Variants in MAPK14 observed in about 807,000 individuals in gnomAD.
The protein encoded by MAPK14 is CSAID-binding protein.
MAPK14 carries 16 observed loss-of-function variants against 49.6 expected under a neutral mutation model. The observed-to-expected ratio is 0.32, with a 90% CI of 0.22 to 0.49. The LOEUF is 0.49. MAPK14 is among the 20% of genes least tolerant of loss of function. The pLI is 0.99. For synonymous variants in MAPK14, 142 were observed against 158.0 expected (o/e 0.90, Z 0.76); for missense variants, 200 against 441.2 (o/e 0.45, Z 4.90).
chr6:36,075,578 A>T (rs1447515830), intron 6 of MAPK14, among the ~76,000 whole-genome samples: 1 of 152,236 alleles, frequency 6.6e-6, no homozygotes, highest in Non-Finnish European at 1.5e-5. Flanking sequence ...GTTTATGTGC[A>T]AACCTTTGTA....
At chr6:36,084,325 C>T (rs1349123554) in intron 8 of MAPK14, among the ~76,000 whole-genome samples, 1 of 152,166 alleles carries the variant, frequency 6.6e-6, no homozygotes, top group Non-Finnish European at 1.5e-5. Flanking sequence ...CTGGCAAGGG[C>T]ATAGATGTGG....
the MAPK14 span, among the ~76,000 whole-genome samples, chr6:36,122,391 C>T: frequency 1.3e-5 from 2 of 152,206 alleles, no homozygotes; most frequent in Non-Finnish European, 2.9e-5. Flanking sequence ...GCCCCAGGCA[C>T]GAAGGTGAGT....
chr6:36,089,750 C>T (rs1396059567), intron 8 of MAPK14, among the ~76,000 whole-genome samples: 1 of 152,094 alleles, frequency 6.6e-6, no homozygotes, highest in African/African-American at 2.4e-5. Context: ...GAACTTTGTA[C>T]TAGAAAGGAG....
intron 8 of MAPK14, among the ~76,000 whole-genome samples, chr6:36,090,596 GCTCA>G (rs1208719566): frequency 6.7e-6 from 1 of 148,624 alleles, no homozygotes; most frequent in Non-Finnish European, 1.5e-5. Context: ...CGCAATCTCT[GCTCA>G]CTGCAACCTC....
intron 9 of MAPK14, among the ~76,000 whole-genome samples, chr6:36,101,131 T>C (rs1486212267): frequency 6.6e-6 from 1 of 152,148 alleles, no homozygotes; most frequent in African/African-American, 2.4e-5. Flanking sequence ...TCCTCCTGAC[T>C]CCACATGCAA....
chr6:36,098,162 T>C (rs1380082712), intron 9 of MAPK14: 1 of 152,200 alleles, frequency 6.6e-6, no homozygotes, highest in East Asian at 1.9e-4. Context: ...CAACAGCTGT[T>C]TTCATTCTCC....
chr6:36,065,669 A>G (rs991214174), intron 3 of MAPK14, among the ~76,000 whole-genome samples: 5 of 152,018 alleles, frequency 3.3e-5, no homozygotes, highest in African/African-American at 1.2e-4. Context: ...ATCAAAGGGT[A>G]CTGGGAACTG....
At chr6:36,105,858 A>T (rs1364588500) in intron 10 of MAPK14, among the ~76,000 whole-genome samples, 2 of 152,220 alleles carry the variant, frequency 1.3e-5, no homozygotes, top group Admixed American at 1.3e-4. Context: ...CCACAGTGAT[A>T]ACTGGTTATA....
chr6:36,100,818 A>G (rs1317763718), intron 9 of MAPK14, among the ~76,000 whole-genome samples: 1 of 152,180 alleles, frequency 6.6e-6, no homozygotes, highest in African/African-American at 2.4e-5. Context: ...ATTATCAGAG[A>G]TGATTGGGGC....
At chr6:36,088,378 C>G (rs1182927143) in intron 8 of MAPK14, among the ~76,000 whole-genome samples, 1 of 152,030 alleles carries the variant, frequency 6.6e-6, no homozygotes, top group Non-Finnish European at 1.5e-5. Flanking sequence ...AGTCTAATAT[C>G]CAGAATCTAC....
chr6:36,098,373 A>G (rs1765518968), intron 9 of MAPK14, among the ~76,000 whole-genome samples: 1 of 152,172 alleles, frequency 6.6e-6, no homozygotes, highest in Non-Finnish European at 1.5e-5. Context: ...AGAAAATCAT[A>G]TTAAGAAAGC....
chr6:36,099,679 C>T (rs1454547117), intron 9 of MAPK14, among the ~76,000 whole-genome samples: 1 of 152,178 alleles, frequency 6.6e-6, no homozygotes, highest in African/African-American at 2.4e-5. Flanking sequence ...TGTGGCATTG[C>T]TTATTAACCC....
At chr6:36,101,705 T>G (rs1202165867) in intron 9 of MAPK14, among the ~76,000 whole-genome samples, 1 of 152,000 alleles carries the variant, frequency 6.6e-6, no homozygotes, top group Non-Finnish European at 1.5e-5. Flanking sequence ...GGAGACAAGT[T>G]TTCACCATGT....
At chr6:36,060,042 C>T (rs148955498) in intron 3 of MAPK14, among the ~76,000 whole-genome samples, 100 of 152,226 alleles carry the variant, frequency 6.6e-4, no homozygotes, top group African/African-American at 2.1e-3. Flanking sequence ...CTGGGATACC[C>T]CTAGAAAGCA....
At chr6:36,087,900 A>G (rs1016797513) in intron 8 of MAPK14, among the ~76,000 whole-genome samples, 3 of 152,232 alleles carry the variant, frequency 2.0e-5, no homozygotes, top group Non-Finnish European at 2.9e-5. Context: ...ACGAGGCTAC[A>G]GTAATCAAAA....
intron 8 of MAPK14, among the ~76,000 whole-genome samples, chr6:36,090,670 G>A (rs944930949): frequency 3.3e-5 from 5 of 152,028 alleles, no homozygotes; most frequent in African/African-American, 1.2e-4. Context: ...GGGATTACAG[G>A]TGCACGTCAT....
At chr6:36,073,388 G>A (rs887735225) in intron 4 of MAPK14, among the ~76,000 whole-genome samples, 3 of 152,184 alleles carry the variant, frequency 2.0e-5, no homozygotes, top group Non-Finnish European at 4.4e-5. Context: ...TTTATTTGTT[G>A]GAGGGGCAGA....
At chr6:36,089,009 A>T (rs1765108760) in intron 8 of MAPK14, among the ~76,000 whole-genome samples, 1 of 152,178 alleles carries the variant, frequency 6.6e-6, no homozygotes, top group African/African-American at 2.4e-5. Flanking sequence ...ATCCTCAAAG[A>T]CCTAGAACCA....
rs973774273 is a variant in MAPK14, at chr6:36,109,429, C to G, written c.*982C>G. ...GCACAGCTGCTTGTCCTGCTCTCTT[C>G]AGGAGGCCCTGGTGTCAGGCAGGTT... On this transcript the variant is annotated 3_prime_UTR_variant, in exon 12 of 12. Coordinates refer to ENST00000229794, the MANE Select transcript of MAPK14 (RefSeq NM_139012.3). 6.5e-6 allele frequency: 1 copy of G among 152,700 alleles called. No individual in the cohort carries two copies. The highest frequency in any genetic ancestry group is 2.4e-5 in the African/African-American group (1 of 41,454). 9.5% of individuals were successfully genotyped at this position (152,700 alleles called of 1,614,324 possible). A position where few individuals can be genotyped will look rare whatever the true frequency, so the allele number is the denominator to read the frequency against.
Sources: allele counts gnomAD v4.1 joint callset (sites outside exome capture counted in the v4.1 genomes callset), GRCh38; gene constraint gnomAD v4.1.1; transcripts MANE v1.5; gene names NCBI Gene and HGNC (gene_info 2026-07-23, HGNC 2026-07-21).